Variants in VPS13A observed in about 807,000 individuals in gnomAD.
VPS13A encodes intermembrane lipid transfer protein VPS13A.
A neutral mutation model predicts 390.9 loss-of-function variants in VPS13A; 264 were observed. The observed-to-expected ratio is 0.68, with a 90% CI of 0.61 to 0.75. The LOEUF (loss-of-function observed/expected upper bound fraction) is 0.75, where lower values mean the gene tolerates loss of function less well. Among genes scored for constraint, VPS13A ranks in the 30% least tolerant of loss-of-function variants. The probability of loss-of-function intolerance (pLI) is 0.00; values close to 1 mark genes in which losing one functional copy is unlikely to be tolerated. For missense variants in VPS13A, 3,409 were observed against 3,733.9 expected (o/e 0.91, Z 2.27); for synonymous variants, 1,231 against 1,227.1 (o/e 1.00, Z -0.07).
At chr9:77,295,096 A>C (rs979331826) in intron 32 of VPS13A, among the ~76,000 whole-genome samples, 2 of 151,974 alleles carry the variant, frequency 1.3e-5, no homozygotes, top group African/African-American at 4.8e-5. Context: ...ATAAATATAG[A>C]TAATTATATT....
intron 71 of VPS13A, among the ~76,000 whole-genome samples, chr9:77,409,429 A>G (rs920134321): frequency 2.0e-5 from 3 of 152,246 alleles, no homozygotes; most frequent in Non-Finnish European, 4.4e-5. Flanking sequence ...CTCACCAGCA[A>G]TGGAACAAAG....
Position 77,316,299 on chromosome 9 carries a change from T to C in VPS13A, c.4756T>C (p.Cys1586Arg). The C allele has an allele frequency of 6.2e-7, 1 of 1,613,366 alleles. No homozygotes were observed. Among genetic ancestry groups the C allele is most frequent in the South Asian group, 1.1e-5 (1 of 91,056 alleles). Residue 1586 changes from cysteine to arginine, a missense_variant, in exon 39 of 72, where the codon TGC becomes CGC. Coordinates refer to ENST00000360280, the MANE Select transcript of VPS13A (RefSeq NM_033305.3). Reference sequence around the variant, plus strand: ...AGTCATTACAACACAATGTGAAATTTGCTATAAAGGTAACCTTGAAAATAG... The same window carrying C: ...AGTCATTACAACACAATGTGAAATTCGCTATAAAGGTAACCTTGAAAATAG... ...ALVITTQCEICYKGNLENSTM... is the reference protein window; with the variant it reads ...ALVITTQCEIRYKGNLENSTM...
intron 45 of VPS13A, among the ~76,000 whole-genome samples, chr9:77,324,563 C>A (rs1408115236): frequency 1.3e-5 from 2 of 152,144 alleles, no homozygotes; most frequent in Non-Finnish European, 2.9e-5. Flanking sequence ...AATATTAGAT[C>A]AACCTTGCAT....
At chr9:77,228,300 A>G in intron 17 of VPS13A, 36 bp downstream of exon 17, 1 of 1,540,222 alleles carries the variant, frequency 6.5e-7, no homozygotes, top group Non-Finnish European at 8.8e-7. Flanking sequence ...TCATATATGA[A>G]AAAACTTCAC....
intron 31 of VPS13A, among the ~76,000 whole-genome samples, chr9:77,286,824 T>G (rs1451770920): frequency 5.9e-5 from 9 of 152,202 alleles, no homozygotes; most frequent in Non-Finnish European, 1.3e-4. Context: ...AGTATAAGCC[T>G]GGCAGCCTAC....
At chr9:77,207,213 T>TTATATATATATATATATATA (rs61703004) in intron 5 of VPS13A, among the ~76,000 whole-genome samples, 4 of 43,120 alleles carry the variant, frequency 9.3e-5, no homozygotes, top group East Asian at 1.1e-3. Flanking sequence ...TATTTAGATA[T>TTATATATATATATATATATA]TATATATATA....
chr9:77,226,998 A>C (rs1453078215), intron 15 of VPS13A, among the ~76,000 whole-genome samples: 2 of 152,140 alleles, frequency 1.3e-5, no homozygotes, highest in Non-Finnish European at 2.9e-5. Context: ...TCTATCACTT[A>C]TTAGCAGTGT....
intron 1 of VPS13A, among the ~76,000 whole-genome samples, chr9:77,184,795 TG>T (rs1410234484): frequency 6.6e-6 from 1 of 152,114 alleles, no homozygotes; most frequent in Admixed American, 6.5e-5. Context: ...GGTCATGACG[TG>T]TATGTTTAGC....
chr9:77,399,909 CT>C (rs1476765904), intron 68 of VPS13A, among the ~76,000 whole-genome samples: 1 of 152,076 alleles, frequency 6.6e-6, no homozygotes, highest in Non-Finnish European at 1.5e-5. Context: ...TCTATACATT[CT>C]CTTGTAATAT....
intron 41 of VPS13A, among the ~76,000 whole-genome samples, chr9:77,319,224 TA>T (rs1829596447): frequency 6.6e-6 from 1 of 150,660 alleles, no homozygotes; most frequent in South Asian, 2.1e-4. Flanking sequence ...AGAAAAGAGT[TA>T]AAGTTGAATA....
intron 46 of VPS13A, among the ~76,000 whole-genome samples, chr9:77,336,594 C>G (rs1414560595): frequency 6.6e-6 from 1 of 151,338 alleles, no homozygotes; most frequent in African/African-American, 2.4e-5. Flanking sequence ...TCCAGAAAAG[C>G]CAAATTCTTT....
chr9:77,342,940 C>T (rs961879024), intron 50 of VPS13A, among the ~76,000 whole-genome samples: 8 of 152,060 alleles, frequency 5.3e-5, no homozygotes, highest in African/African-American at 1.9e-4. Context: ...GTTTTATGGA[C>T]CTGGGGGATG....
chr9:77,228,012 A>G (rs1176164595), intron 16 of VPS13A, 110 bp from the exon 17 acceptor site: 6 of 826,158 alleles, frequency 7.3e-6, no homozygotes, highest in Middle Eastern at 4.0e-4. Flanking sequence ...TGAAGAAATA[A>G]AATGTCCTTA....
At chr9:77,196,573 A>C (rs1200418761) in intron 1 of VPS13A, among the ~76,000 whole-genome samples, 1 of 152,172 alleles carries the variant, frequency 6.6e-6, no homozygotes, top group Non-Finnish European at 1.5e-5. Flanking sequence ...ACGTGAAATC[A>C]TGCAGTATTT....
chr9:77,208,534 T>A (rs1327798590), intron 5 of VPS13A, among the ~76,000 whole-genome samples: 1 of 152,078 alleles, frequency 6.6e-6, no homozygotes, highest in Non-Finnish European at 1.5e-5. Context: ...CTCAATTCTT[T>A]ATTCTTCTTT....
intron 33 of VPS13A, among the ~76,000 whole-genome samples, chr9:77,297,305 G>C (rs1828066729): frequency 6.6e-6 from 1 of 151,838 alleles, no homozygotes; most frequent in African/African-American, 2.4e-5. Context: ...AGTCTGTGTA[G>C]CTCTCTTCTC....
intron 15 of VPS13A, among the ~76,000 whole-genome samples, chr9:77,226,882 A>G (rs1410844099): frequency 1.3e-5 from 2 of 152,108 alleles, no homozygotes; most frequent in Non-Finnish European, 2.9e-5. Flanking sequence ...AGTGTTCTCC[A>G]TTGTAAATTT....
intron 22 of VPS13A, among the ~76,000 whole-genome samples, chr9:77,253,149 T>C (rs530834530): frequency 6.6e-6 from 1 of 152,316 alleles, no homozygotes; most frequent in South Asian, 2.1e-4. Flanking sequence ...ATTTTCTGTT[T>C]TTTTATTTTA....
chr9:77,374,113 A>G (rs1832942397), intron 67 of VPS13A, among the ~76,000 whole-genome samples: 1 of 152,164 alleles, frequency 6.6e-6, no homozygotes, highest in Admixed American at 6.5e-5. Context: ...GTTCAAACTC[A>G]GTTTGTCTTC....
Sources: allele counts gnomAD v4.1 joint callset (sites outside exome capture counted in the v4.1 genomes callset), GRCh38; gene constraint gnomAD v4.1.1; transcripts MANE v1.5; gene names NCBI Gene and HGNC (gene_info 2026-07-23, HGNC 2026-07-21).